Variants in CCDC171 observed in about 807,000 individuals in gnomAD.
CCDC171 encodes the protein coiled-coil domain containing 171.
In CCDC171, 177 loss-of-function variants were observed where a neutral mutation model predicts 168.2. The ratio of observed to expected loss-of-function variants is 1.05; its 90% CI spans 0.93 to 1.19. The LOEUF (loss-of-function observed/expected upper bound fraction) is 1.19. CCDC171 is among the 50% of genes most tolerant of loss of function. The probability of loss-of-function intolerance (pLI) is 0.00; values close to 1 mark genes in which losing one functional copy is unlikely to be tolerated. For missense variants in CCDC171, 1,991 were observed against 1,539.0 expected (o/e 1.29, Z -4.91); for synonymous variants, 687 against 540.8 (o/e 1.27, Z -3.75).
At chr9:15,715,116 A>G (rs2052981512) in intron 11 of CCDC171, among the ~76,000 whole-genome samples, 1 of 152,216 alleles carries the variant, frequency 6.6e-6, no homozygotes, top group Admixed American at 6.5e-5. Flanking sequence ...CATGGAGCTT[A>G]TCAAGCTACA....
rs746133549 is a variant in CCDC171, at chr9:15,721,865, C to G, written c.1415C>G (p.Ala472Gly). The G allele has an allele frequency of 6.5e-6, 10 of 1,539,896 alleles. 1 individual carries two copies. Among genetic ancestry groups the G allele is most frequent in the South Asian group, 2.5e-5 (2 of 80,802 alleles). ...LTDYQNKLED[A>G]SNEEKACNEL... ...GATTACCAGAACAAGCTGGAAGATG[C>G]ATCTAATGAGGTAACACTTGCACTG... Residue 472 changes from alanine (A) to glycine (G), a missense_variant, in exon 12 of 26, where the codon GCA (alanine) becomes GGA (glycine). Ala to Gly is a moderately conservative substitution (Grantham distance 60, BLOSUM62 0). Transcript: ENST00000380701.
At chr9:16,038,569 T>C (rs1833514170), upstream of CCDC171, among the ~76,000 whole-genome samples, 2 of 152,042 alleles carry the variant, frequency 1.3e-5, no homozygotes, top group South Asian at 4.2e-4. Context: ...CAAATAAGAC[T>C]GATAATTACC....
chr9:16,059,505 C>CTTTTTTTTTT (rs869212886), intron 1 of CCDC171, among the ~76,000 whole-genome samples: 4 of 101,422 alleles, frequency 3.9e-5, no homozygotes, highest in Non-Finnish European at 5.6e-5. Context: ...TTTTTTTTTT[C>CTTTTTTTTTT]TTTTTTTTTT....
At chr9:15,782,913 T>C (rs1170125604) in intron 20 of CCDC171, among the ~76,000 whole-genome samples, 3 of 152,216 alleles carry the variant, frequency 2.0e-5, no homozygotes, top group African/African-American at 7.2e-5. Context: ...ACTAGGTGAC[T>C]CTCTGAAAAT....
At chr9:15,919,000 A>G (rs1200160782) in intron 24 of CCDC171, among the ~76,000 whole-genome samples, 1 of 151,826 alleles carries the variant, frequency 6.6e-6, no homozygotes, top group South Asian at 2.1e-4. Context: ...TAGGCAGAGT[A>G]TCTTGCCTTA....
intron 8 of CCDC171, among the ~76,000 whole-genome samples, chr9:16,036,624 A>G (rs1833474956): frequency 6.6e-6 from 1 of 152,234 alleles, no homozygotes. Flanking sequence ...AGCCTGGGCC[A>G]CAGAGCGAGA....
intron 11 of CCDC171, among the ~76,000 whole-genome samples, chr9:15,713,572 G>T (rs1466593997): frequency 1.3e-5 from 2 of 152,150 alleles, no homozygotes; most frequent in Non-Finnish European, 2.9e-5. Context: ...TAGTCACATG[G>T]TGAATTGTTG....
chr9:16,086,767 T>A, the CCDC171 span, among the ~76,000 whole-genome samples: 4,944 of 152,312 alleles, frequency 0.032, 116 homozygotes, highest in African/African-American at 0.063. Flanking sequence ...TTTGAGTTTG[T>A]TTGCTCTTGC....
intron 18 of CCDC171, among the ~76,000 whole-genome samples, chr9:15,751,613 A>G (rs925122740): frequency 1.6e-4 from 25 of 152,196 alleles, no homozygotes; most frequent in Non-Finnish European, 1.5e-5. Context: ...CCACACATCT[A>G]CAACCATCTG....
intron 18 of CCDC171, among the ~76,000 whole-genome samples, chr9:15,760,140 A>G (rs1479143730): frequency 6.6e-6 from 1 of 152,112 alleles, no homozygotes; most frequent in East Asian, 1.9e-4. Context: ...GTTTTTGAGA[A>G]CTTGCTAAAA....
intron 4 of CCDC171, chr9:15,588,595 C>G (rs908298371): frequency 9.9e-6 from 3 of 301,810 alleles, no homozygotes; most frequent in Non-Finnish European, 2.0e-5. Context: ...GGAAGCTCAG[C>G]GTGCTGGAGA....
At chr9:15,713,178 G>C (rs2052805962) in intron 11 of CCDC171, among the ~76,000 whole-genome samples, 1 of 152,168 alleles carries the variant, frequency 6.6e-6, no homozygotes, top group Admixed American at 6.5e-5. Flanking sequence ...TCCACTACTT[G>C]ACGTTCTGCT....
intron 24 of CCDC171, among the ~76,000 whole-genome samples, chr9:15,894,663 C>G (rs374780225): frequency 3.8e-4 from 58 of 152,108 alleles, no homozygotes; most frequent in African/African-American, 1.3e-3. Context: ...TGCACATAGG[C>G]CCATTTTAGA....
intron 21 of CCDC171, among the ~76,000 whole-genome samples, chr9:15,795,313 A>G (rs908537798): frequency 1.3e-5 from 2 of 152,200 alleles, no homozygotes; most frequent in African/African-American, 2.4e-5. Flanking sequence ...TTCATTTATG[A>G]TGGCAGAGCC....
intron 25 of CCDC171, among the ~76,000 whole-genome samples, chr9:15,951,208 A>G (rs538386739): frequency 6.7e-6 from 1 of 150,172 alleles, no homozygotes; most frequent in Non-Finnish European, 1.5e-5. Context: ...AACATTGGAC[A>G]GATCAACGAG....
At chr9:15,938,667 A>G (rs1480926405) in intron 25 of CCDC171, among the ~76,000 whole-genome samples, 1 of 151,850 alleles carries the variant, frequency 6.6e-6, no homozygotes, top group African/African-American at 2.4e-5. Flanking sequence ...TTGGGAAGAA[A>G]TAGCTGTCTT....
At chr9:15,727,605 T>C (rs2053890711) in intron 14 of CCDC171, among the ~76,000 whole-genome samples, 1 of 152,156 alleles carries the variant, frequency 6.6e-6, no homozygotes, top group Non-Finnish European at 1.5e-5. Flanking sequence ...ACAACCTCCA[T>C]CAGTAGCAGA....
intron 25 of CCDC171, among the ~76,000 whole-genome samples, chr9:15,959,616 A>G (rs1002710034): frequency 2.6e-5 from 4 of 152,170 alleles, no homozygotes; most frequent in Non-Finnish European, 4.4e-5. Context: ...CCAAGCGCAG[A>G]CTGCATTTCA....
intron 11 of CCDC171, among the ~76,000 whole-genome samples, chr9:15,720,772 G>A (rs935798118): frequency 6.6e-6 from 1 of 152,160 alleles, no homozygotes; most frequent in Admixed American, 6.5e-5. Context: ...CATGTGCCAT[G>A]TTGGTGTGCT....
Sources: gnomAD v4.1 joint callset for allele counts (sites outside exome capture counted in the v4.1 genomes callset) on GRCh38, gnomAD v4.1.1 for gene constraint, MANE v1.5 for transcripts, NCBI Gene and HGNC (gene_info 2026-07-23, HGNC 2026-07-21) for gene names.